The following FAM83F variants were observed in gnomAD, a reference collection of about 807,000 sequenced individuals.
FAM83F encodes the protein protein FAM83F.
Under a neutral mutation model 42.9 loss-of-function variants are expected in FAM83F, and 45 were observed. That is an observed-to-expected ratio of 1.05 (90% CI 0.83 to 1.35). FAM83F has a LOEUF of 1.35. FAM83F is among the 40% of genes most tolerant of loss of function. FAM83F has a pLI of 0.00. For synonymous variants in FAM83F, 306 were observed against 298.3 expected (o/e 1.03, Z -0.27); for missense variants, 617 against 695.9 (o/e 0.89, Z 1.28).
At chr22:40,019,045 A>G (rs2145719005) in intron 1 of FAM83F, 123 bp from the exon 2 acceptor site, 1 of 1,130,160 alleles carries the variant, frequency 8.8e-7, no homozygotes, top group Non-Finnish European at 1.3e-6. Flanking sequence ...CAGGAATGGT[A>G]CAGGTGGAGT....
chr22:39,999,618 C>G (rs2145706622), intron 1 of FAM83F, among the ~76,000 whole-genome samples: 1 of 152,308 alleles, frequency 6.6e-6, no homozygotes, highest in Admixed American at 6.5e-5. Context: ...TATCTTCAGA[C>G]CAGGACAAGG....
rs1332786537 is a variant in FAM83F, at chr22:40,029,583, G to A, written c.*18G>A. ...TTTCCTGAGCTGCGGGATGGTGGTGGGCAGGACGTGTGGATGCCTGCCTGC... is the reference window on the plus strand; with the variant it reads ...TTTCCTGAGCTGCGGGATGGTGGTGAGCAGGACGTGTGGATGCCTGCCTGC... On this transcript the variant is annotated 3_prime_UTR_variant, in exon 5 of 5. Transcript: ENST00000333407. The A allele has an allele frequency of 6.2e-7, 1 of 1,609,186 alleles. No individual in the cohort carries two copies. The highest frequency in any genetic ancestry group is 1.7e-4 in the Middle Eastern group (1 of 6,054).
At chr22:40,007,248 CTCCTCCTCCTT>C (rs2067434477) in intron 1 of FAM83F, among the ~76,000 whole-genome samples, 1 of 123,748 alleles carries the variant, frequency 8.1e-6, no homozygotes, top group Admixed American at 8.7e-5. Context: ...CCCTCCTCCT[CTCCTCCTCCTT>C]TCCTCCTCCT....
chr22:39,998,520 G>C (rs959943562), intron 1 of FAM83F, among the ~76,000 whole-genome samples: 2 of 151,636 alleles, frequency 1.3e-5, no homozygotes, highest in East Asian at 3.9e-4. Context: ...TGGGGGGTGA[G>C]GGGGGAGGGG....
chr22:40,021,729 A>G lies in FAM83F; in HGVS notation c.1219A>G (p.Met407Val), dbSNP rs762900543. 1.9e-6 allele frequency: 3 copies of G among 1,612,976 alleles called. No homozygotes were observed. The highest frequency in any genetic ancestry group is 8.5e-7 in the Non-Finnish European group (1 of 1,179,852). Residue 407 changes from methionine (M) to valine (V), a missense_variant, in exon 4 of 5, where the codon ATG becomes GTG. Met to Val is a conservative substitution (Grantham distance 21). Coordinates refer to ENST00000333407, the MANE Select transcript of FAM83F (RefSeq NM_138435.4). This position sits in a 1 kb window ranked among gnomAD's most constrained non-coding sequence, Gnocchi z 8.7. ...GAAGGATGGCAGGATGGTCTCTCAC[A>G]TGCACAGAGACCTGAAGCCCAAATC... is the stretch of plus-strand genomic sequence containing the variant. ...SQKDGRMVSHMHRDLKPKSRE... is the reference protein window; with the variant it reads ...SQKDGRMVSHVHRDLKPKSRE...
chr22:39,998,181 T>G (rs557677842), intron 1 of FAM83F, among the ~76,000 whole-genome samples: 2 of 152,262 alleles, frequency 1.3e-5, no homozygotes, highest in Non-Finnish European at 2.9e-5. Flanking sequence ...GGAGGGAGTT[T>G]CCTTTGTTTC....
rs1243964908 is a variant in FAM83F at position 40,042,792 on chromosome 22, T to G, written c.*13227T>G. On this transcript the variant is annotated 3_prime_UTR_variant, in exon 5 of 5. Coordinates refer to ENST00000333407, the MANE Select transcript of FAM83F (RefSeq NM_138435.4). ...TGCTTCAAGGTACTTACAACTGAAA[T>G]GTATCAAACAATTACCCAGAAAGTC... is the stretch of plus-strand genomic sequence containing the variant. 2.0e-5 allele frequency: 3 copies of G among 152,282 alleles called. No individual in the cohort carries two copies. In the East Asian group the frequency reaches 5.8e-4, roughly 29 times the overall value. The allele number at this position is 152,282 out of a possible 1,614,324, so 9.4% of individuals were successfully genotyped here.
At chr22:40,001,735 A>G (rs12484149) in intron 1 of FAM83F, among the ~76,000 whole-genome samples, 1 of 152,200 alleles carries the variant, frequency 6.6e-6, no homozygotes, top group Admixed American at 6.5e-5. Flanking sequence ...AGGATACTGG[A>G]AAGTATCATA....
intron 1 of FAM83F, among the ~76,000 whole-genome samples, chr22:39,996,446 TC>T (rs2067373845): frequency 6.6e-6 from 1 of 152,256 alleles, no homozygotes; most frequent in African/African-American, 2.4e-5. Context: ...GAAAAATTCT[TC>T]GTTGTGTATC....
At chr22:40,005,551 A>G (rs2067422994) in intron 1 of FAM83F, among the ~76,000 whole-genome samples, 1 of 152,260 alleles carries the variant, frequency 6.6e-6, no homozygotes, top group Admixed American at 6.5e-5. Flanking sequence ...GGCCTTGCTC[A>G]CATGGGTGCC....
In FAM83F at chr22:40,021,533, G is replaced by A. The variant is rs2067521475; in HGVS notation, c.1023G>A (p.Met341Ile). 9 of 1,569,286 alleles carry A rather than the reference G, an allele frequency of 5.7e-6. No homozygotes were observed. The highest frequency in any genetic ancestry group is 7.8e-6 in the Non-Finnish European group (9 of 1,152,360). The change falls in exon 4 of 5, where the codon ATG becomes ATA. Residue 341 changes from methionine to isoleucine, a missense_variant. Coordinates refer to ENST00000333407, the MANE Select transcript of FAM83F (RefSeq NM_138435.4). The surrounding 1 kb of genome is among the most constrained non-coding windows in gnomAD (Gnocchi z 8.7). ...GCCGCCACCCGCCTGGGGAGATGATGCGCTGGGCTGCCCGGCAACAGCGGG... is the reference window on the plus strand; with the variant it reads ...GCCGCCACCCGCCTGGGGAGATGATACGCTGGGCTGCCCGGCAACAGCGGG... ...SGCRHPPGEM[M>I]RWAARQQREA... is the part of the protein sequence containing the mutation.
intron 1 of FAM83F, among the ~76,000 whole-genome samples, chr22:40,002,006 C>G (rs1265892994): frequency 6.6e-6 from 1 of 152,174 alleles, no homozygotes; most frequent in African/African-American, 2.4e-5. Context: ...GGTGGTGGGC[C>G]GTGGTTGGTA....
chr22:39,996,923 C>A (rs1487404862), intron 1 of FAM83F, among the ~76,000 whole-genome samples: 1 of 152,168 alleles, frequency 6.6e-6, no homozygotes, highest in East Asian at 1.9e-4. Flanking sequence ...ATACAGGCTG[C>A]AGCTGGGGTT....
At chr22:40,020,930 G>A (rs1265217443) in intron 3 of FAM83F, among the ~76,000 whole-genome samples, 2 of 152,178 alleles carry the variant, frequency 1.3e-5, no homozygotes, top group African/African-American at 4.8e-5. Flanking sequence ...GTTTGTGCCA[G>A]GGACTGAGCT....
chr22:40,028,373 C>A (rs1238823085), intron 4 of FAM83F, among the ~76,000 whole-genome samples: 1 of 152,182 alleles, frequency 6.6e-6, no homozygotes, highest in Non-Finnish European at 1.5e-5. Context: ...GCAGACATGG[C>A]CTTAATTAAA....
chr22:40,021,653 G>A lies in FAM83F; in HGVS notation c.1143G>A (p.Val381=), dbSNP rs1453360802. ...LESFLKDLVT[V]EQVLPPVEPI... ...GCTTCCTGAAAGACCTGGTTACGGTGGAGCAGGTGCTGCCCCCCGTGGAGC... is the reference window on the plus strand; with the variant it reads ...GCTTCCTGAAAGACCTGGTTACGGTAGAGCAGGTGCTGCCCCCCGTGGAGC... The change falls in exon 4 of 5, where the codon GTG becomes GTA. Residue 381 remains valine (V), a synonymous_variant. Transcript: ENST00000333407. This position sits in a 1 kb window ranked among gnomAD's most constrained non-coding sequence, Gnocchi z 8.7. 1 of 1,606,048 alleles carries A rather than the reference G, an allele frequency of 6.2e-7. No homozygotes were observed. The highest frequency in any genetic ancestry group is 1.1e-5 in the South Asian group (1 of 90,950).
In FAM83F at chr22:40,039,663, A is replaced by G. The variant is rs1272460962; in HGVS notation, c.*10098A>G. 6.6e-6 allele frequency: 1 copy of G among 152,282 alleles called. No individual in the cohort carries two copies. The highest frequency in any genetic ancestry group is 2.4e-5 in the African/African-American group (1 of 41,466). The allele number at this position is 152,282 out of a possible 1,614,324, so 9.4% of individuals were successfully genotyped here. A position where few individuals can be genotyped will look rare whatever the true frequency, so the allele number is the denominator to read the frequency against. Reference sequence around the variant, plus strand: ...CTGCGAGCGTCGCACGCCCCCAGAGACAACATAAGGAGAGAAGTGCAGACA... The same window carrying G: ...CTGCGAGCGTCGCACGCCCCCAGAGGCAACATAAGGAGAGAAGTGCAGACA... On this transcript the variant is annotated 3_prime_UTR_variant, in exon 5 of 5. Coordinates refer to ENST00000333407, the MANE Select transcript of FAM83F (RefSeq NM_138435.4).
chr22:40,010,305 C>T (rs1457522541), intron 1 of FAM83F, among the ~76,000 whole-genome samples: 6 of 152,238 alleles, frequency 3.9e-5, no homozygotes, highest in Non-Finnish European at 5.9e-5. Context: ...AAGACCCAAG[C>T]GGAGAGACTG....
rs147549370 is a variant in FAM83F at position 40,001,822 on chromosome 22, AT to A, written c.489+6295del. ...GAGCAGAGGAGGGAAGGGTGGCCAA[AT>A]TTTCTCCCCAGAAGTTAGGGAGCCC... On this transcript the variant is annotated intron_variant, in intron 1 of 4. Transcript: ENST00000333407. Among the ~76,000 whole-genome samples the A allele has an allele frequency of 1.6e-3, 241 of 152,220 alleles. 1 individual carries two copies. The highest frequency in any genetic ancestry group is 5.6e-3 in the African/African-American group (232 of 41,528).
Sources: gnomAD v4.1 joint callset for allele counts (sites outside exome capture counted in the v4.1 genomes callset) on GRCh38, gnomAD v4.1.1 for gene constraint, Gnocchi (gnomAD v3.1) non-coding constraint, MANE v1.5 for transcripts, NCBI Gene and HGNC (gene_info 2026-07-23, HGNC 2026-07-21) for gene names.